The following CLTCL1 variants were observed in gnomAD, a reference collection of about 807,000 sequenced individuals.
CLTCL1 encodes the protein clathrin heavy chain 2.
In CLTCL1, 159 loss-of-function variants were observed where a neutral mutation model predicts 190.0. The ratio of observed to expected loss-of-function variants is 0.84; its 90% CI spans 0.74 to 0.95. The LOEUF (loss-of-function observed/expected upper bound fraction) is 0.95. CLTCL1 is among the 40% of genes least tolerant of loss of function. The probability of loss-of-function intolerance (pLI) is 0.00; values close to 1 mark genes in which losing one functional copy is unlikely to be tolerated. For synonymous variants in CLTCL1, 752 were observed against 769.6 expected, an observed-to-expected ratio of 0.98 and a Z score of 0.38; for missense variants, 1,878 against 2,033.4, an observed-to-expected ratio of 0.92 and a Z score of 1.47.
At chr22:19,283,396 T>G (rs1289803764) in intron 1 of CLTCL1, among the ~76,000 whole-genome samples, 1 of 152,144 alleles carries the variant, frequency 6.6e-6, no homozygotes, top group Admixed American at 6.5e-5. Flanking sequence ...TTCTCATGCC[T>G]CAGCCTCCCA....
intron 22 of CLTCL1, 52 bp downstream of exon 22, chr22:19,208,102 C>A: frequency 6.2e-7 from 1 of 1,610,024 alleles, no homozygotes; most frequent in Non-Finnish European, 8.5e-7. Context: ...GAGGAACATC[C>A]CTGGACCTAA....
intron 23 of CLTCL1, 22 bp downstream of exon 23, chr22:19,201,307 T>A (rs1555939095): frequency 2.5e-6 from 4 of 1,596,758 alleles, no homozygotes; most frequent in Non-Finnish European, 3.4e-6. Context: ...CACTCTGCCG[T>A]CTGCAGTTGC....
rs377049848 is a variant in CLTCL1 at position 19,183,380 on chromosome 22, C to T, written c.4827+10G>A. 2.9e-5 allele frequency: 46 copies of T among 1,610,756 alleles called. No individual in the cohort carries two copies. The highest frequency in any genetic ancestry group is 1.9e-4 in the African/African-American group (14 of 74,836). ...AGGGGCCGGGGAGCTGCAGCCGGCC[C>T]GGCACCTACCTTGCTCAGGTACTCC... On this transcript the variant is annotated intron_variant, in intron 30 of 32. Coordinates refer to ENST00000427926, the MANE Select transcript of CLTCL1 (RefSeq NM_007098.4).
chr22:19,200,085 TCGTAGG>T (rs1346962427), intron 23 of CLTCL1, among the ~76,000 whole-genome samples: 12 of 152,212 alleles, frequency 7.9e-5, no homozygotes, highest in African/African-American at 2.9e-4. Context: ...GTGCATTACT[TCGTAGG>T]CCCTGAGTTT....
At chr22:19,281,003 G>T (rs1163860581) in intron 1 of CLTCL1, among the ~76,000 whole-genome samples, 1 of 151,274 alleles carries the variant, frequency 6.6e-6, no homozygotes, top group South Asian at 2.1e-4. Flanking sequence ...GATGAAAAGA[G>T]TTGTGGGCCG....
intron 19 of CLTCL1, among the ~76,000 whole-genome samples, chr22:19,212,622 AAGAG>A (rs1234042240): frequency 4.7e-5 from 7 of 149,738 alleles, no homozygotes; most frequent in Admixed American, 2.0e-4. Context: ...GAAGGAAAGA[AAGAG>A]AAAGAAAGAA....
At chr22:19,242,979 G>T in intron 3 of CLTCL1, 43 bp from the exon 4 acceptor site, 1 of 1,516,436 alleles carries the variant, frequency 6.6e-7, no homozygotes, top group Non-Finnish European at 9.0e-7. Context: ...GAAAAGAGAG[G>T]AATATAAAGA....
intron 26 of CLTCL1, among the ~76,000 whole-genome samples, chr22:19,195,712 T>G (rs983141408): frequency 6.6e-6 from 1 of 152,250 alleles, no homozygotes; most frequent in East Asian, 1.9e-4. Flanking sequence ...AAAGGCTCAC[T>G]TGACCATGGC....
intron 32 of CLTCL1, 40 bp from the exon 33 acceptor site, chr22:19,180,009 G>C: frequency 1.7e-6 from 1 of 604,710 alleles, no homozygotes; most frequent in Non-Finnish European, 2.9e-6. Flanking sequence ...AGCTCTTCCT[G>C]CCCATGGGGG....
rs531726753 is a variant in CLTCL1 at position 19,291,499 on chromosome 22, G to T, written c.42+101C>A. On this transcript the variant is annotated intron_variant, in intron 1 of 32. Transcript: ENST00000427926. ...GGTCGGAAATCGGCGCGGCCAGCTG[G>T]GCAGCGGCTCAGCGGGGCTGGGGGC... The T allele has an allele frequency of 6.3e-6, 7 of 1,111,402 alleles. No individual in the cohort carries two copies. The African/African-American group carries it at 9.8e-5, about 16-fold the overall frequency. 68.8% of individuals were successfully genotyped at this position (1,111,402 alleles called of 1,614,324 possible). A position where few individuals can be genotyped will look rare whatever the true frequency, so the allele number is the denominator to read the frequency against.
At chr22:19,233,722 T>G (rs781787393) in intron 7 of CLTCL1, 100 bp from the exon 8 acceptor site, 35 of 1,010,856 alleles carry the variant, frequency 3.5e-5, no homozygotes, top group Non-Finnish European at 5.2e-5. Context: ...CAGTGGAAAT[T>G]CCACACTGCT....
intron 18 of CLTCL1, among the ~76,000 whole-genome samples, chr22:19,217,238 G>A (rs1219066523): frequency 6.6e-6 from 1 of 152,192 alleles, no homozygotes; most frequent in East Asian, 1.9e-4. Context: ...GGGTATGCCT[G>A]AGGGAAAGGG....
Position 19,180,773 on chromosome 22 carries a change from T to G in CLTCL1, c.4861A>C (p.Lys1621Gln). The G allele has an allele frequency of 6.2e-7, 1 of 1,613,816 alleles. No individual in the cohort carries two copies. The highest frequency in any genetic ancestry group is 8.5e-7 in the Non-Finnish European group (1 of 1,179,826). Residue 1621 changes from lysine to glutamine, a missense_variant, in exon 31 of 33, where the codon AAG (lysine) becomes CAG (glutamine). Coordinates refer to ENST00000427926, the MANE Select transcript of CLTCL1 (RefSeq NM_007098.4). ...GGCTCTGTCACATGCTCCTCTTGCT[T>G]GCGCAGACTCTCCAAGGCATCCAGT... is the stretch of plus-strand genomic sequence containing the variant. Reference protein sequence around the residue: ...DKLDALESLRKQEEHVTEPAP... With the variant: ...DKLDALESLRQQEEHVTEPAP...
At chr22:19,185,529 T>C (rs2084288011) in intron 29 of CLTCL1, among the ~76,000 whole-genome samples, 1 of 152,258 alleles carries the variant, frequency 6.6e-6, no homozygotes, top group South Asian at 2.1e-4. Flanking sequence ...GGTTTCACCA[T>C]GTTAGCCAGG....
chr22:19,276,771 G>A (rs577347393), intron 1 of CLTCL1, among the ~76,000 whole-genome samples: 126 of 152,218 alleles, frequency 8.3e-4, no homozygotes, highest in African/African-American at 2.8e-3. Context: ...CCGGGTTCAC[G>A]CCATTCTCCT....
At chr22:19,209,865 G>C (rs1389618465) in intron 20 of CLTCL1, among the ~76,000 whole-genome samples, 2 of 152,174 alleles carry the variant, frequency 1.3e-5, no homozygotes, top group East Asian at 3.9e-4. Flanking sequence ...GGGCAGGCAG[G>C]GAGGGCTGGA....
In CLTCL1 at chr22:19,198,134, C is replaced by T. The variant is rs945046106; in HGVS notation, c.3874-1478G>A. Among the ~76,000 whole-genome samples the T allele has an allele frequency of 6.6e-6, 1 of 152,188 alleles. No individual in the cohort carries two copies. The highest frequency in any genetic ancestry group is 1.5e-5 in the Non-Finnish European group (1 of 68,028). On this transcript the variant is annotated intron_variant, in intron 24 of 32. Transcript: ENST00000427926. This position sits in a 1 kb window ranked among gnomAD's most constrained non-coding sequence, Gnocchi z 4.1. ...TCCCCTCATCCACTGGTGATAACTC[C>T]GTTATTTCTACTTATTCAAGCCAAA...
rs1555964101 is a variant in CLTCL1 at position 19,239,426 on chromosome 22, T to A, written c.682-38A>T. On this transcript the variant is annotated intron_variant, in intron 4 of 32. Coordinates refer to ENST00000427926, the MANE Select transcript of CLTCL1 (RefSeq NM_007098.4). ...TTTTAGGTCAATCAAGGGGACCGCC[T>A]GTGGTGGTGGGCAAGTGCTAGTCAA... 2.7e-6 allele frequency: 4 copies of A among 1,505,112 alleles called. No individual in the cohort carries two copies. In the South Asian group the frequency reaches 3.4e-5, roughly 13 times the overall value. The allele number at this position is 1,505,112 out of a possible 1,614,324, so 93.2% of individuals were successfully genotyped here. A position where few individuals can be genotyped will look rare whatever the true frequency, so the allele number is the denominator to read the frequency against.
intron 2 of CLTCL1, among the ~76,000 whole-genome samples, chr22:19,256,667 A>ATTT (rs1160788962): frequency 1.0e-4 from 14 of 137,054 alleles, no homozygotes; most frequent in East Asian, 2.1e-4. Context: ...CTAATTTTTA[A>ATTT]TTTTTTTTTT....
Sources: allele counts gnomAD v4.1 joint callset (sites outside exome capture counted in the v4.1 genomes callset), GRCh38; gene constraint gnomAD v4.1.1; non-coding constraint Gnocchi (gnomAD v3.1); transcripts MANE v1.5; gene names NCBI Gene and HGNC (gene_info 2026-07-23, HGNC 2026-07-21).